The following FBXL16 variants were observed in gnomAD, a reference collection of about 807,000 sequenced individuals.
FBXL16 encodes the protein F-box and leucine rich repeat protein 16, also known as F-box/LRR-repeat protein 16.
In FBXL16, 7 loss-of-function variants were observed where a neutral mutation model predicts 36.7. The observed-to-expected ratio is 0.19, with a 90% confidence interval of 0.11 to 0.36. The LOEUF (loss-of-function observed/expected upper bound fraction) is 0.36, where lower values mean the gene tolerates loss of function less well. Among genes scored for constraint, FBXL16 ranks in the 10% least tolerant of loss-of-function variants. FBXL16 has a pLI of 1.00. For missense variants in FBXL16, 463 were observed against 659.4 expected, an observed-to-expected ratio of 0.70 and a Z score of 3.26; for synonymous variants, 355 against 308.7, an observed-to-expected ratio of 1.15 and a Z score of -1.57.
rs1260935664 is a variant in FBXL16, at chr16:697,777, G to A, written c.-14-358C>T. On this transcript the variant is annotated intron_variant, in intron 1 of 5. Transcript: ENST00000397621. The surrounding 1 kb of genome is among the most constrained non-coding windows in gnomAD (Gnocchi z 4.6). ...GCACTTTGGGAGGCCGAGGCGGGTG[G>A]ATCATGAGGTCAGGAGATCGAGACC... 6.6e-6 allele frequency among the ~76,000 whole-genome samples: 1 copy of A among 152,092 alleles called. No individual in the cohort carries two copies. The highest frequency in any genetic ancestry group is 1.5e-5 in the Non-Finnish European group (1 of 68,002).
Position 697,153 on chromosome 16 carries a change from C to A in FBXL16, c.253G>T (p.Ala85Ser). 2 of 1,593,268 alleles carry A rather than the reference C, an allele frequency of 1.3e-6. No homozygotes were observed. The highest frequency in any genetic ancestry group is 1.1e-5 in the South Asian group (1 of 88,608). ...GGCCGCTCCGCTGGGTGCCCAGGTG[C>A]CAAGGCTGAGGCTGGTCCACCTGCC... ...TPAGGPASALAPGHPAERPPL... is the reference protein window; with the variant it reads ...TPAGGPASALSPGHPAERPPL... The change falls in exon 2 of 6, where the codon GCA becomes TCA. Residue 85 changes from alanine (A) to serine (S), a missense_variant. By Grantham distance (99) the Ala-to-Ser change is moderately conservative (BLOSUM62 1). This residue lies in a region of FBXL16 where 263 missense variants were observed against 341.1 expected (regional missense o/e 0.77). Coordinates refer to ENST00000397621, the MANE Select transcript of FBXL16 (RefSeq NM_153350.4). This position sits in a 1 kb window ranked among gnomAD's most constrained non-coding sequence, Gnocchi z 4.6.
intron 1 of FBXL16, among the ~76,000 whole-genome samples, chr16:703,275 CT>C (rs1200057479): frequency 2.0e-5 from 3 of 152,196 alleles, no homozygotes; most frequent in Non-Finnish European, 2.9e-5. Flanking sequence ...GTGCCCACCC[CT>C]GGGACATCCT....
rs1567296693 is a variant in FBXL16 at position 693,268 on chromosome 16, T to TGCTGAC, written c.*1001_*1006dup. On this transcript the variant is annotated 3_prime_UTR_variant, in exon 6 of 6. Coordinates refer to ENST00000397621, the MANE Select transcript of FBXL16 (RefSeq NM_153350.4). Reference sequence around the variant, plus strand: ...TGGAAGATTGGAGTCGCTGACCCAGTGCTGACCCTGACCCTTGGCTGGGTC... The same window carrying TGCTGAC: ...TGGAAGATTGGAGTCGCTGACCCAGTGCTGACGCTGACCCTGACCCTTGGCTGGGTC... 6.6e-6 allele frequency: 1 copy of TGCTGAC among 152,344 alleles called. No homozygotes were observed. The highest frequency in any genetic ancestry group is 1.5e-5 in the Non-Finnish European group (1 of 68,188). 9.4% of individuals were successfully genotyped at this position (152,344 alleles called of 1,614,324 possible). A position where few individuals can be genotyped will look rare whatever the true frequency, so the allele number is the denominator to read the frequency against.
At position 697,178 on chromosome 16, in the gene FBXL16, C is replaced by T. The variant is rs1188737108; in HGVS notation, c.228G>A (p.Pro76=). ...CCAAGGCTGAGGCTGGTCCACCTGC[C>T]GGGGTGCACGGGCCCCCAGCCAGGG... is the stretch of plus-strand genomic sequence containing the variant. ...RAALAGGPCT[P]AGGPASALAP... Residue 76 remains proline (P), a synonymous_variant, in exon 2 of 6, where the codon CCG becomes CCA. Coordinates refer to ENST00000397621, the MANE Select transcript of FBXL16 (RefSeq NM_153350.4). The surrounding 1 kb of genome is among the most constrained non-coding windows in gnomAD (Gnocchi z 4.6). The T allele has an allele frequency of 1.7e-5, 25 of 1,479,440 alleles. No homozygotes were observed. Among genetic ancestry groups the T allele is most frequent in the Middle Eastern group, 2.2e-4 (1 of 4,636 alleles). 91.6% of individuals were successfully genotyped at this position (1,479,440 alleles called of 1,614,324 possible).
intron 3 of FBXL16, 59 bp downstream of exon 3, chr16:695,356 C>G: frequency 8.3e-7 from 1 of 1,202,520 alleles, no homozygotes; most frequent in Non-Finnish European, 1.0e-6. Context: ...CCCGCCCCGC[C>G]CCGCCCCGTG....
chr16:695,691 G>A lies in FBXL16; in HGVS notation c.866C>T (p.Thr289Met). ...GTGCGTGCTGTGGCCCTGGCGCGCC[G>A]TGAAGTAGGCCAGCGCCGTGTCCGT... ...HVTDTALAYFTARQGHSTHTL... is the reference protein window; with the variant it reads ...HVTDTALAYFMARQGHSTHTL... The change falls in exon 3 of 6, where the codon ACG becomes ATG. Residue 289 changes from threonine to methionine, a missense_variant. Coordinates refer to ENST00000397621, the MANE Select transcript of FBXL16 (RefSeq NM_153350.4). The A allele has an allele frequency of 6.2e-7, 1 of 1,605,514 alleles. No individual in the cohort carries two copies.
chr16:697,131 C>T lies in FBXL16; in HGVS notation c.275G>A (p.Arg92Gln), dbSNP rs772836959. ...SALAPGHPAE[R>Q]PPLATDEKIL... ...CTTCTCGTCCGTGGCCAGCGGCGGC[C>T]GCTCCGCTGGGTGCCCAGGTGCCAA... The change falls in exon 2 of 6, where the codon CGG (arginine) becomes CAG (glutamine). Residue 92 changes from arginine to glutamine, a missense_variant. Arg to Gln is a conservative substitution (Grantham distance 43, BLOSUM62 1). Transcript: ENST00000397621. The surrounding 1 kb of genome is among the most constrained non-coding windows in gnomAD (Gnocchi z 4.6). 14 of 1,603,458 alleles carry T rather than the reference C, an allele frequency of 8.7e-6. No homozygotes were observed. The highest frequency in any genetic ancestry group is 3.4e-5 in the Admixed American group (2 of 59,088).
At chr16:696,075 C>T in intron 2 of FBXL16, 152 bp from the exon 3 acceptor site, 1 of 1,179,882 alleles carries the variant, frequency 8.5e-7, no homozygotes, top group Non-Finnish European at 1.1e-6. Context: ...AGCCCAGGGC[C>T]TGGCCAGGGC....
chr16:700,160 AG>A (rs1446488447), intron 1 of FBXL16, among the ~76,000 whole-genome samples: 1 of 152,140 alleles, frequency 6.6e-6, no homozygotes, highest in African/African-American at 2.4e-5. Flanking sequence ...ACATCTGGGG[AG>A]GGGGTGTAGA....
intron 1 of FBXL16, among the ~76,000 whole-genome samples, chr16:700,307 G>T (rs970955601): frequency 1.2e-4 from 18 of 152,186 alleles, no homozygotes; most frequent in Admixed American, 1.2e-3. Context: ...CCTCCCCAGA[G>T]TATCATTCGG....
intron 1 of FBXL16, among the ~76,000 whole-genome samples, chr16:700,894 G>A (rs574953065): frequency 6.6e-6 from 1 of 152,256 alleles, no homozygotes; most frequent in Non-Finnish European, 1.5e-5. Context: ...CCCAAATCCC[G>A]GCAGCCCCCG....
At chr16:701,497 C>T (rs1332894872) in intron 1 of FBXL16, among the ~76,000 whole-genome samples, 1 of 152,252 alleles carries the variant, frequency 6.6e-6, no homozygotes, top group Non-Finnish European at 1.5e-5. Context: ...CAGGCATGGG[C>T]GCTGCGGGAG....
At position 697,562 on chromosome 16, in the gene FBXL16, C is replaced by T; in HGVS notation, c.-14-143G>A. The T allele has an allele frequency of 9.2e-7, 1 of 1,082,364 alleles. No individual in the cohort carries two copies. The highest frequency in any genetic ancestry group is 1.3e-6 in the Non-Finnish European group (1 of 788,346). 67.0% of individuals were successfully genotyped at this position (1,082,364 alleles called of 1,614,324 possible). A position where few individuals can be genotyped will look rare whatever the true frequency, so the allele number is the denominator to read the frequency against. ...CCACCAGACAGAGAGGATGGGAGTG[C>T]CTGCTTCTCCCTCCCAGACTGTGAG... is the stretch of plus-strand genomic sequence containing the variant. On this transcript the variant is annotated intron_variant, in intron 1 of 5. Coordinates refer to ENST00000397621, the MANE Select transcript of FBXL16 (RefSeq NM_153350.4). The surrounding 1 kb of genome is among the most constrained non-coding windows in gnomAD (Gnocchi z 4.6).
chr16:703,616 G>T (rs957502099), intron 1 of FBXL16, among the ~76,000 whole-genome samples: 1 of 152,194 alleles, frequency 6.6e-6, no homozygotes, highest in African/African-American at 2.4e-5. Context: ...AGGCACACCC[G>T]CGTCCCTGCC....
Position 697,566 on chromosome 16 carries a change from C to T in FBXL16, c.-14-147G>A. 9.3e-7 allele frequency: 1 copy of T among 1,072,668 alleles called. No individual in the cohort carries two copies. Among genetic ancestry groups the T allele is most frequent in the Non-Finnish European group, 1.3e-6 (1 of 779,484 alleles). 66.4% of individuals were successfully genotyped at this position (1,072,668 alleles called of 1,614,324 possible). On this transcript the variant is annotated intron_variant, in intron 1 of 5. Transcript: ENST00000397621. This position sits in a 1 kb window ranked among gnomAD's most constrained non-coding sequence, Gnocchi z 4.6. ...CAGACAGAGAGGATGGGAGTGCCTGCTTCTCCCTCCCAGACTGTGAGCAGC... is the reference window on the plus strand; with the variant it reads ...CAGACAGAGAGGATGGGAGTGCCTGTTTCTCCCTCCCAGACTGTGAGCAGC...
At chr16:700,098 G>C (rs2151521895) in intron 1 of FBXL16, among the ~76,000 whole-genome samples, 1 of 152,300 alleles carries the variant, frequency 6.6e-6, no homozygotes, top group Middle Eastern at 3.4e-3. Context: ...CCAGCAGCAG[G>C]TCCCCACACT....
At chr16:702,049 G>A (rs563610621) in intron 1 of FBXL16, among the ~76,000 whole-genome samples, 181 of 152,308 alleles carry the variant, frequency 1.2e-3, no homozygotes, top group Non-Finnish European at 1.9e-3. Flanking sequence ...AGGGAGCACG[G>A]TGGGGCCTGG....
chr16:700,199 G>T (rs968167535), intron 1 of FBXL16, among the ~76,000 whole-genome samples: 2 of 152,164 alleles, frequency 1.3e-5, no homozygotes, highest in African/African-American at 4.8e-5. Flanking sequence ...GGTCTCGCCA[G>T]AACACGTGGC....
chr16:696,787 C>T lies in FBXL16; in HGVS notation c.619G>A (p.Asp207Asn). ...AMSLKRSTIT[D>N]AGLEVMLEQM... is the part of the protein sequence containing the mutation. The stretch of plus-strand genomic sequence containing the variant: ...CTGGTGCACACCTCGAGGCCTGCGT[C>T]CGTGATGGTGGAGCGCTTGAGGCTC... Residue 207 changes from aspartate (D) to asparagine (N), a missense_variant, in exon 2 of 6, where the codon GAC becomes AAC. Coordinates refer to ENST00000397621, the MANE Select transcript of FBXL16 (RefSeq NM_153350.4). The T allele has an allele frequency of 7.7e-7, 1 of 1,297,600 alleles. No individual in the cohort carries two copies. Among genetic ancestry groups the T allele is most frequent in the South Asian group, 1.4e-5 (1 of 72,570 alleles). 80.4% of individuals were successfully genotyped at this position (1,297,600 alleles called of 1,614,324 possible). A position where few individuals can be genotyped will look rare whatever the true frequency, so the allele number is the denominator to read the frequency against.
Sources: gnomAD v4.1 joint callset for allele counts (sites outside exome capture counted in the v4.1 genomes callset) on GRCh38, gnomAD v4.1.1 for gene constraint, gnomAD v4.1.1 regional missense constraint, Gnocchi (gnomAD v3.1) non-coding constraint, MANE v1.5 for transcripts, NCBI Gene and HGNC (gene_info 2026-07-23, HGNC 2026-07-21) for gene names.